TCF4: variants seen among roughly 807,000 people sequenced by gnomAD.
TCF4 encodes the protein transcription factor 4, also known as SL3-3 enhancer factor 2.
A neutral mutation model predicts 82.1 loss-of-function variants in TCF4; 3 were observed. That is an observed-to-expected ratio of 0.04 (90% CI 0.02 to 0.09). The LOEUF is 0.09. Among genes scored for constraint, TCF4 ranks in the 10% least tolerant of loss-of-function variants. The pLI is 1.00. For missense variants in TCF4, 518 were observed against 852.7 expected (o/e 0.61, Z 4.89); for synonymous variants, 276 against 309.6 (o/e 0.89, Z 1.14).
chr18:55,334,421 C>T (rs1305843851), intron 8 of TCF4, among the ~76,000 whole-genome samples: 1 of 151,942 alleles, frequency 6.6e-6, no homozygotes, highest in Non-Finnish European at 1.5e-5. Flanking sequence ...AGTTTCTAAT[C>T]AAAATCTCCA....
chr18:55,506,835 C>T (rs2096766115), intron 3 of TCF4, among the ~76,000 whole-genome samples: 1 of 151,170 alleles, frequency 6.6e-6, no homozygotes, highest in South Asian at 2.1e-4. Flanking sequence ...TAATATACTG[C>T]AACCTCAGCA....
intron 6 of TCF4, among the ~76,000 whole-genome samples, chr18:55,382,054 C>A (rs544520427): frequency 2.6e-5 from 4 of 151,882 alleles, no homozygotes; most frequent in African/African-American, 7.2e-5. Context: ...ATTTTGGATA[C>A]AATAAAACAA....
intron 3 of TCF4, chr18:55,479,166 C>A (rs968553097): frequency 6.6e-6 from 1 of 152,370 alleles, no homozygotes; most frequent in Non-Finnish European, 1.5e-5. Flanking sequence ...TGTCCCAAAC[C>A]ACTCTGAAAT....
chr18:55,358,505 G>A (rs1425496632), intron 6 of TCF4, among the ~76,000 whole-genome samples: 1 of 152,224 alleles, frequency 6.6e-6, no homozygotes, highest in African/African-American at 2.4e-5. Context: ...TAACAAGGCA[G>A]ATGCTACAAA....
At chr18:55,275,295 A>AC (rs2061286313) in intron 10 of TCF4, among the ~76,000 whole-genome samples, 3 of 151,046 alleles carry the variant, frequency 2.0e-5, no homozygotes, top group Admixed American at 6.6e-5. Context: ...AAAAAAAAAA[A>AC]AAACCAGGAA....
chr18:55,606,039 T>C (rs2097701891), intron 2 of TCF4, among the ~76,000 whole-genome samples: 1 of 152,200 alleles, frequency 6.6e-6, no homozygotes, highest in Non-Finnish European at 1.5e-5. Context: ...GTCCTCGTGG[T>C]GCTTCTGATG....
chr18:55,410,669 T>G (rs2094307164), intron 5 of TCF4, among the ~76,000 whole-genome samples: 1 of 152,004 alleles, frequency 6.6e-6, no homozygotes, highest in Non-Finnish European at 1.5e-5. Flanking sequence ...TACCAAGGCT[T>G]TCCCACAATA....
At chr18:55,527,111 A>AC (rs1328270128) in intron 3 of TCF4, among the ~76,000 whole-genome samples, 2 of 152,166 alleles carry the variant, frequency 1.3e-5, no homozygotes, top group Non-Finnish European at 2.9e-5. Context: ...GAAAATAGTA[A>AC]CCTCACGCAT....
intron 5 of TCF4, among the ~76,000 whole-genome samples, chr18:55,446,520 C>G (rs1412727158): frequency 6.6e-6 from 1 of 152,148 alleles, no homozygotes; most frequent in Non-Finnish European, 1.5e-5. Flanking sequence ...CTGGATTCTG[C>G]CACTTACCAG....
chr18:55,470,171 T>C (rs1303841504), intron 3 of TCF4, among the ~76,000 whole-genome samples: 2 of 152,206 alleles, frequency 1.3e-5, no homozygotes, highest in Non-Finnish European at 2.9e-5. Context: ...ATGAATTAAC[T>C]AACATTTGTT....
rs184872160 is a variant in TCF4 at position 55,294,349 on chromosome 18, T to C, written c.550-14693A>G. 5.3e-5 allele frequency among the ~76,000 whole-genome samples: 8 copies of C among 152,248 alleles called. No individual in the cohort carries two copies. The East Asian group carries it at 1.4e-3, about 26-fold the overall frequency. On this transcript the variant is annotated intron_variant, in intron 8 of 19. Transcript: ENST00000354452. ...CCCCCGATAAATACTACGGACTCCT[T>C]AGGAGCAAAGATTGTGGTTTAGAGC...
chr18:55,449,859 G>A (rs931034146), intron 5 of TCF4, among the ~76,000 whole-genome samples: 3 of 151,948 alleles, frequency 2.0e-5, no homozygotes, highest in Admixed American at 1.3e-4. Context: ...TGGCCCACGA[G>A]GGGGTGGCAT....
chr18:55,365,294 G>A (rs1312184608), intron 6 of TCF4, among the ~76,000 whole-genome samples: 2 of 146,606 alleles, frequency 1.4e-5, no homozygotes, highest in African/African-American at 2.5e-5. Context: ...TATATATGAT[G>A]GCTGGGCTTA....
At chr18:55,456,287 T>A (rs1175603498) in intron 5 of TCF4, among the ~76,000 whole-genome samples, 1 of 152,148 alleles carries the variant, frequency 6.6e-6, no homozygotes, top group Non-Finnish European at 1.5e-5. Flanking sequence ...AGCAGAAAAA[T>A]GTTCTGCTGA....
upstream of TCF4, chr18:55,588,269 G>A (rs1177506255): frequency 7.0e-7 from 1 of 1,425,130 alleles, no homozygotes; most frequent in Non-Finnish European, 9.2e-7. Context: ...GGGAAGGGGG[G>A]AGGGGGAAAC....
At chr18:55,598,386 A>AT (rs1447154029) in intron 2 of TCF4, among the ~76,000 whole-genome samples, 1 of 152,092 alleles carries the variant, frequency 6.6e-6, no homozygotes, top group African/African-American at 2.4e-5. Flanking sequence ...TCTATTTTGT[A>AT]TTTTTTATTT....
intron 3 of TCF4, among the ~76,000 whole-genome samples, chr18:55,579,472 A>G (rs1455337686): frequency 1.3e-5 from 2 of 151,942 alleles, no homozygotes; most frequent in Non-Finnish European, 2.9e-5. Flanking sequence ...AAAATAATAA[A>G]GAAAGGGCAG....
At chr18:55,590,465 A>T (rs924816821), upstream of TCF4, among the ~76,000 whole-genome samples, 1 of 152,248 alleles carries the variant, frequency 6.6e-6, no homozygotes, top group Non-Finnish European at 1.5e-5. Context: ...TTTGTGCCAT[A>T]AGCCACGACT....
At chr18:55,456,908 A>G (rs2095767931) in intron 5 of TCF4, among the ~76,000 whole-genome samples, 1 of 152,220 alleles carries the variant, frequency 6.6e-6, no homozygotes, top group Non-Finnish European at 1.5e-5. Flanking sequence ...GAAGTCTCCA[A>G]TAGGTCCAGT....
Sources: gnomAD v4.1 joint callset for allele counts (sites outside exome capture counted in the v4.1 genomes callset) on GRCh38, gnomAD v4.1.1 for gene constraint, MANE v1.5 for transcripts, NCBI Gene and HGNC (gene_info 2026-07-23, HGNC 2026-07-21) for gene names.